The following NDST4 variants were observed in gnomAD, a reference collection of about 807,000 sequenced individuals.
NDST4 encodes the protein N-heparan sulfate sulfotransferase 4.
Under a neutral mutation model 100.8 loss-of-function variants are expected in NDST4, and 63 were observed. The ratio of observed to expected loss-of-function variants is 0.62; its 90% CI spans 0.51 to 0.77. The LOEUF (loss-of-function observed/expected upper bound fraction) is 0.77. NDST4 is among the 30% of genes least tolerant of loss of function. The pLI, the probability that NDST4 is intolerant of heterozygous loss-of-function variation, is 0.00. For synonymous variants in NDST4, 377 were observed against 361.8 expected (o/e 1.04, Z -0.48); for missense variants, 943 against 1,018.4 (o/e 0.93, Z 1.01).
chr4:114,867,923 C>T (rs567049229), intron 7 of NDST4, among the ~76,000 whole-genome samples: 5 of 152,198 alleles, frequency 3.3e-5, no homozygotes, highest in African/African-American at 9.6e-5. Context: ...GCGTTTTGTG[C>T]TCTACTTATC....
At chr4:114,867,756 T>A (rs957166040) in intron 7 of NDST4, among the ~76,000 whole-genome samples, 2 of 150,320 alleles carry the variant, frequency 1.3e-5, no homozygotes, top group Non-Finnish European at 3.0e-5. Context: ...CATGAATTAA[T>A]GTACACGAGT....
At chr4:115,075,518 G>T (rs1474964864) in intron 2 of NDST4, among the ~76,000 whole-genome samples, 1 of 152,146 alleles carries the variant, frequency 6.6e-6, no homozygotes, top group Non-Finnish European at 1.5e-5. Context: ...CGGGTGCAGT[G>T]GCTCACGCCT....
At chr4:115,082,597 C>T (rs956546705) in intron 1 of NDST4, among the ~76,000 whole-genome samples, 8 of 152,158 alleles carry the variant, frequency 5.3e-5, no homozygotes, top group African/African-American at 1.9e-4. Context: ...AGAGCAACGA[C>T]GTTTACCAGC....
intron 7 of NDST4, among the ~76,000 whole-genome samples, chr4:114,867,282 G>A (rs943643479): frequency 1.3e-5 from 2 of 152,082 alleles, no homozygotes; most frequent in African/African-American, 2.4e-5. Context: ...TTATGTCACA[G>A]CTATTCAAAT....
Position 114,974,361 on chromosome 4 carries a change from A to T in NDST4, c.1066+2826T>A, listed in dbSNP as rs147868690. ...TGCTTGAAAGTTAATGATTTTATAG[A>T]AAATGCTATTTTTCATAAAATAATC... On this transcript the variant is annotated intron_variant, in intron 3 of 13. Transcript: ENST00000264363. 5.1e-3 allele frequency among the ~76,000 whole-genome samples: 778 copies of T among 152,256 alleles called. 6 individuals carry two copies. The highest frequency in any genetic ancestry group is 8.7e-3 in the Non-Finnish European group (592 of 67,998).
chr4:114,836,444 C>T (rs1723306609), intron 11 of NDST4, among the ~76,000 whole-genome samples: 1 of 152,148 alleles, frequency 6.6e-6, no homozygotes, highest in African/African-American at 2.4e-5. Context: ...TTAATATTGG[C>T]CCCCACTCTC....
intron 2 of NDST4, among the ~76,000 whole-genome samples, chr4:115,015,626 G>A (rs938195938): frequency 4.6e-5 from 7 of 151,976 alleles, no homozygotes; most frequent in Non-Finnish European, 8.8e-5. Flanking sequence ...CCATATGAAC[G>A]TTCACTAAAG....
At chr4:114,970,934 T>C (rs1726500810) in intron 3 of NDST4, among the ~76,000 whole-genome samples, 1 of 152,170 alleles carries the variant, frequency 6.6e-6, no homozygotes, top group South Asian at 2.1e-4. Flanking sequence ...TAATTGGACA[T>C]AAATTTTAAC....
chr4:114,954,765 A>C (rs994218), intron 4 of NDST4, among the ~76,000 whole-genome samples: 2 of 152,010 alleles, frequency 1.3e-5, no homozygotes, highest in Non-Finnish European at 2.9e-5. Context: ...GTTGGAGATG[A>C]AGCCTGGTAG....
At chr4:115,054,612 C>A (rs1351607916) in intron 2 of NDST4, among the ~76,000 whole-genome samples, 2 of 151,948 alleles carry the variant, frequency 1.3e-5, no homozygotes, top group Non-Finnish European at 2.9e-5. Flanking sequence ...GAGATAAAGC[C>A]TAAAGAGCAG....
chr4:114,962,395 T>C (rs1726283682), intron 4 of NDST4, among the ~76,000 whole-genome samples: 2 of 152,026 alleles, frequency 1.3e-5, no homozygotes, highest in East Asian at 1.9e-4. Flanking sequence ...CATAATCTTA[T>C]ACATAGACAA....
rs554812427 is a variant in NDST4 at position 114,917,709 on chromosome 4, A to G, written c.1536+17497T>C. Among the ~76,000 whole-genome samples the G allele has an allele frequency of 2.6e-5, 4 of 152,282 alleles. No homozygotes were observed. The East Asian group carries it at 7.7e-4, about 29-fold the overall frequency. On this transcript the variant is annotated intron_variant, in intron 6 of 13. Transcript: ENST00000264363. ...ACACAGAAAGGGAGTGCAGGGGTGC[A>G]TTTCCACTACCAAACACACACATAA... is the stretch of plus-strand genomic sequence containing the variant.
At chr4:114,856,687 T>G (rs1161315945) in intron 7 of NDST4, among the ~76,000 whole-genome samples, 7 of 152,202 alleles carry the variant, frequency 4.6e-5, no homozygotes, top group Admixed American at 2.6e-4. Context: ...AGTATCACCC[T>G]GGCATTCTGC....
rs1457916211 is a variant in NDST4 at position 115,110,754 on chromosome 4, A to G, written c.-247+2690T>C. On this transcript the variant is annotated intron_variant, in intron 1 of 13. Coordinates refer to ENST00000264363, the MANE Select transcript of NDST4 (RefSeq NM_022569.3). ...TTTTTTCAACAGAGCAACTTTTAATAAAGAAGAAACCTTTGTTAGTTTAAA... is the reference window on the plus strand; with the variant it reads ...TTTTTTCAACAGAGCAACTTTTAATGAAGAAGAAACCTTTGTTAGTTTAAA... Among the ~76,000 whole-genome samples the G allele has an allele frequency of 2.0e-5, 3 of 151,970 alleles. No homozygotes were observed. In the East Asian group the frequency reaches 5.8e-4, roughly 29 times the overall value.
intron 2 of NDST4, among the ~76,000 whole-genome samples, chr4:115,057,702 GCACACACACACACACACACACA>G (rs59805768): frequency 2.0e-5 from 3 of 147,252 alleles, no homozygotes; most frequent in Admixed American, 6.9e-5. Context: ...GCGTGCGCAC[GCACACACACACACACACACACA>G]CACACACACA....
chr4:114,976,016 T>C (rs887215042), intron 3 of NDST4, among the ~76,000 whole-genome samples: 7 of 152,110 alleles, frequency 4.6e-5, no homozygotes, highest in African/African-American at 1.7e-4. Flanking sequence ...GTATACATAC[T>C]AATTTTCCTT....
At chr4:115,018,647 AT>A (rs1444558241) in intron 2 of NDST4, among the ~76,000 whole-genome samples, 2 of 151,954 alleles carry the variant, frequency 1.3e-5, no homozygotes, top group Admixed American at 1.3e-4. Flanking sequence ...AGAGTTTTAC[AT>A]GACTACCAGG....
intron 1 of NDST4, among the ~76,000 whole-genome samples, chr4:115,088,735 T>C (rs535714056): frequency 1.3e-5 from 2 of 152,232 alleles, no homozygotes; most frequent in African/African-American, 2.4e-5. Context: ...TTGTTTCATC[T>C]TGTTATTCCT....
chr4:114,871,079 A>G (rs1724138852), intron 6 of NDST4, 129 bp from the exon 7 acceptor site: 2 of 560,746 alleles, frequency 3.6e-6, no homozygotes, highest in Non-Finnish European at 6.0e-6. Flanking sequence ...TTTTAAGTGG[A>G]AAGCCACACA....
Sources: allele counts gnomAD v4.1 joint callset (sites outside exome capture counted in the v4.1 genomes callset), GRCh38; gene constraint gnomAD v4.1.1; transcripts MANE v1.5; gene names NCBI Gene and HGNC (gene_info 2026-07-23, HGNC 2026-07-21).